Variants in LSR observed in about 807,000 individuals in gnomAD.
LSR encodes lipolysis stimulated lipoprotein receptor.
In LSR, 44 loss-of-function variants were observed where a neutral mutation model predicts 61.8. The observed-to-expected ratio is 0.71, with a 90% CI of 0.56 to 0.91. The LOEUF (loss-of-function observed/expected upper bound fraction) is 0.91, where lower values mean the gene tolerates loss of function less well. LSR is among the 40% of genes least tolerant of loss of function. The pLI, the probability that LSR is intolerant of heterozygous loss-of-function variation, is 0.00. For synonymous variants in LSR, 397 were observed against 350.6 expected (o/e 1.13, Z -1.48); for missense variants, 911 against 830.5 (o/e 1.10, Z -1.19).
chr19:35,262,737 C>T, intron 5 of LSR, 45 bp downstream of exon 5: 2 of 1,596,830 alleles, frequency 1.3e-6, no homozygotes, highest in South Asian at 1.1e-5. Flanking sequence ...CAACATCCTG[C>T]ATCCAAGGGA....
chr19:35,266,944 C>A lies in LSR; in HGVS notation c.1121C>A (p.Pro374His), dbSNP rs201351520. 5.0e-6 allele frequency: 8 copies of A among 1,613,456 alleles called. No homozygotes were observed. The change falls in exon 8 of 10, where the codon CCC becomes CAC. Residue 374 changes from proline (P) to histidine (H), a missense_variant. By Grantham distance (77) the Pro-to-His change is moderately conservative. Transcript: ENST00000605618. ...AACTTCGACCCTTCTCGACCTGGCC[C>A]CCCCAGTGGCCGTGTGGAGCGGGGT... ...LANFDPSRPGPPSGRVERAMS... is the reference protein window; with the variant it reads ...LANFDPSRPGHPSGRVERAMS...
At position 35,267,314 on chromosome 19, in the gene LSR, C is replaced by G; in HGVS notation, c.1350C>G (p.Asp450Glu). 1.3e-6 allele frequency: 2 copies of G among 1,553,318 alleles called. No homozygotes were observed. Among genetic ancestry groups the G allele is most frequent in the Non-Finnish European group, 1.7e-6 (2 of 1,149,448 alleles). The change falls in exon 9 of 10, where the codon GAC (aspartate) becomes GAG (glutamate). Residue 450 changes from aspartate (D) to glutamate (E), a missense_variant. Transcript: ENST00000605618. ...GGGCCCGCTCCGTGGACGCCCTGGA[C>G]GACCTCACCCCGCCGAGCACCGCCG... Reference protein sequence around the residue: ...RPRARSVDALDDLTPPSTAES... With the variant: ...RPRARSVDALEDLTPPSTAES...
chr19:35,262,735 T>C (rs772668432), intron 5 of LSR, 43 bp downstream of exon 5: 2 of 1,598,694 alleles, frequency 1.3e-6, no homozygotes, highest in Non-Finnish European at 1.7e-6. Flanking sequence ...GGCAACATCC[T>C]GCATCCAAGG....
rs2065789171 is a variant in LSR at position 35,251,185 on chromosome 19, T to C, written c.454+526T>C. On this transcript the variant is annotated intron_variant, in intron 2 of 9. Coordinates refer to ENST00000605618, the MANE Select transcript of LSR (RefSeq NM_205834.4). The stretch of plus-strand genomic sequence containing the variant: ...TGAGTACCTGTCATATACCAGGTGC[T>C]GTTCTGGGCCCTGGGAATACAGCTG... Among the ~76,000 whole-genome samples, 7 of 152,300 alleles carry C rather than the reference T, an allele frequency of 4.6e-5. No individual in the cohort carries two copies. In the South Asian group the frequency reaches 1.2e-3, roughly 27 times the overall value.
At position 35,267,619 on chromosome 19, in the gene LSR, CGGAGGAGAGGAGGAGACCCCACAAGGA is replaced by C. The variant is rs772492438; in HGVS notation, c.1663_1689del (p.Arg555_Glu563del). 5 of 1,612,116 alleles carry C rather than the reference CGGAGGAGAGGAGGAGACCCCACAAGGA, an allele frequency of 3.1e-6. No homozygotes were observed. Among genetic ancestry groups the C allele is most frequent in the Non-Finnish European group, 4.2e-6 (5 of 1,179,520 alleles). On this transcript the variant is annotated inframe_deletion, in exon 9 of 10. Transcript: ENST00000605618. The stretch of plus-strand genomic sequence containing the variant: ...GAGGAGGCTGTGAGGAAGAAGGGGT[CGGAGGAGAGGAGGAGACCCCACAAGGA>C]GGAGGAGGAAGAGGCCTACTACCCG...
chr19:35,264,145 T>A (rs751358344), intron 5 of LSR: 1 of 152,042 alleles, frequency 6.6e-6, no homozygotes, highest in Non-Finnish European at 1.5e-5. Flanking sequence ...TGAAAACACA[T>A]ACCCACAGGA....
chr19:35,265,637 GAGGA>G (rs2065987340), intron 5 of LSR, among the ~76,000 whole-genome samples: 1 of 145,570 alleles, frequency 6.9e-6, no homozygotes, highest in African/African-American at 2.5e-5. Context: ...TTGCCCTAGG[GAGGA>G]AGGAAGGGAG....
In LSR at chr19:35,249,095, G is replaced by T. The variant is rs200943005; in HGVS notation, c.73G>T (p.Val25Phe). ...GGCCGCCGCAGGCCGGGACGCGGTCGTCTTCGTGTGGCTTCTGCTTAGCAC... is the reference window on the plus strand; with the variant it reads ...GGCCGCCGCAGGCCGGGACGCGGTCTTCTTCGTGTGGCTTCTGCTTAGCAC... ...HPAAAGRDAV[V>F]FVWLLLSTWC... The change falls in exon 1 of 10, where the codon GTC (valine) becomes TTC (phenylalanine). Residue 25 changes from valine to phenylalanine, a missense_variant. Val to Phe is a conservative substitution (Grantham distance 50, BLOSUM62 -1). Transcript: ENST00000605618. 331 of 1,553,334 alleles carry T rather than the reference G, an allele frequency of 2.1e-4. 2 individuals carry two copies. The African/African-American group carries it at 3.4e-3, about 16-fold the overall frequency.
At chr19:35,261,159 C>A (rs1419737001) in intron 3 of LSR, among the ~76,000 whole-genome samples, 1 of 151,926 alleles carries the variant, frequency 6.6e-6, no homozygotes, top group African/African-American at 2.4e-5. Flanking sequence ...CAGGGGCACT[C>A]GAGGGAAGAC....
At chr19:35,259,255 C>T (rs1041552784) in intron 3 of LSR, 191 bp downstream of exon 3, 8 of 594,256 alleles carry the variant, frequency 1.3e-5, no homozygotes, top group Non-Finnish European at 1.7e-5. Flanking sequence ...GACCACTGGC[C>T]CACAGTGCCT....
At chr19:35,256,523 T>C (rs1369440033) in intron 2 of LSR, among the ~76,000 whole-genome samples, 1 of 152,200 alleles carries the variant, frequency 6.6e-6, no homozygotes, top group East Asian at 1.9e-4. Flanking sequence ...ACGTAGCCTC[T>C]GGAAAACTCC....
chr19:35,260,584 C>T (rs2065914322), intron 3 of LSR, among the ~76,000 whole-genome samples: 1 of 151,966 alleles, frequency 6.6e-6, no homozygotes, highest in African/African-American at 2.4e-5. Context: ...TGAGCCACTG[C>T]CCGGCCTTAA....
intron 6 of LSR, 44 bp from the exon 7 acceptor site, chr19:35,266,635 G>C: frequency 6.3e-7 from 1 of 1,598,582 alleles, no homozygotes; most frequent in Non-Finnish European, 8.5e-7. Context: ...CCGAGGAGGG[G>C]CTCTGCTCCT....
At chr19:35,256,321 TAAAGTC>T (rs2065856317) in intron 2 of LSR, among the ~76,000 whole-genome samples, 1 of 151,980 alleles carries the variant, frequency 6.6e-6, no homozygotes, top group South Asian at 2.1e-4. Context: ...TAAATGACAA[TAAAGTC>T]ATTATAGATT....
rs189692944 is a variant in LSR at position 35,258,843 on chromosome 19, T to C, written c.455-102T>C. On this transcript the variant is annotated intron_variant, in intron 2 of 9. Transcript: ENST00000605618. ...ATCATCTGCAGCCTGCCCAGCCCAC[T>C]GCTTGCCCCCTCCTGGGTGTGCTGG... 5 of 1,469,572 alleles carry C rather than the reference T, an allele frequency of 3.4e-6. No homozygotes were observed. In the African/African-American group the frequency reaches 4.2e-5, roughly 12 times the overall value. The allele number at this position is 1,469,572 out of a possible 1,614,324, so 91.0% of individuals were successfully genotyped here.
chr19:35,250,358 CGTG>C lies in LSR; in HGVS notation c.157_159del (p.Val53del). 1 of 1,583,900 alleles carries C rather than the reference CGTG, an allele frequency of 6.3e-7. No homozygotes were observed. The highest frequency in any genetic ancestry group is 8.6e-7 in the Non-Finnish European group (1 of 1,159,716). ...AGGTGACCGTGTCCAACCCCTACCACGTGGTGATCCTCTTCCAGCCTGTGACCC... is the reference window on the plus strand; with the variant it reads ...AGGTGACCGTGTCCAACCCCTACCACGTGATCCTCTTCCAGCCTGTGACCC... On this transcript the variant is annotated inframe_deletion, in exon 2 of 10. Coordinates refer to ENST00000605618, the MANE Select transcript of LSR (RefSeq NM_205834.4).
intron 2 of LSR, 97 bp from the exon 3 acceptor site, chr19:35,258,848 G>T: frequency 3.4e-6 from 5 of 1,487,004 alleles, no homozygotes; most frequent in African/African-American, 1.4e-5. Context: ...CCCACTGCTT[G>T]CCCCCTCCTG....
At chr19:35,267,778 C>T (rs1192995645) in intron 9 of LSR, 44 bp downstream of exon 9, 3 of 1,613,770 alleles carry the variant, frequency 1.9e-6, no homozygotes, top group Non-Finnish European at 2.5e-6. Context: ...CCTGGGCCCC[C>T]AGCCGGTCCC....
In LSR at chr19:35,266,946, C is replaced by T. The variant is rs1351539527; in HGVS notation, c.1123C>T (p.Pro375Ser). ...CTTCGACCCTTCTCGACCTGGCCCC[C>T]CCAGTGGCCGTGTGGAGCGGGGTAA... ...ANFDPSRPGP[P>S]SGRVERAMSE... is the part of the protein sequence containing the mutation. Residue 375 changes from proline to serine, a missense_variant, in exon 8 of 10, where the codon CCC becomes TCC. By Grantham distance (74) the Pro-to-Ser change is moderately conservative. Coordinates refer to ENST00000605618, the MANE Select transcript of LSR (RefSeq NM_205834.4). The T allele has an allele frequency of 1.9e-6, 3 of 1,613,290 alleles. No individual in the cohort carries two copies. The highest frequency in any genetic ancestry group is 2.5e-6 in the Non-Finnish European group (3 of 1,179,658).
Sources: gnomAD v4.1 joint callset for allele counts (sites outside exome capture counted in the v4.1 genomes callset) on GRCh38, gnomAD v4.1.1 for gene constraint, MANE v1.5 for transcripts, NCBI Gene and HGNC (gene_info 2026-07-23, HGNC 2026-07-21) for gene names.